FBN1: variants seen among roughly 807,000 people sequenced by gnomAD.
The protein encoded by FBN1 is fibrillin-1.
FBN1 carries 29 observed loss-of-function variants against 365.1 expected under a neutral mutation model. The observed-to-expected ratio is 0.08, with a 90% CI of 0.06 to 0.11. The LOEUF (loss-of-function observed/expected upper bound fraction) is 0.11, where lower values mean the gene tolerates loss of function less well. FBN1 is among the 10% of genes least tolerant of loss of function. The pLI is 1.00. For missense variants in FBN1, 2,476 were observed against 3,703.2 expected (o/e 0.67, Z 8.60); for synonymous variants, 1,210 against 1,270.5 (o/e 0.95, Z 1.01).
At chr15:48,599,363 A>G (rs567808210) in intron 5 of FBN1, among the ~76,000 whole-genome samples, 23 of 152,198 alleles carry the variant, frequency 1.5e-4, no homozygotes, top group Non-Finnish European at 3.4e-4. Flanking sequence ...TGAATAAAGT[A>G]TTAAGTGAAA....
chr15:48,534,228 GAGA>G lies in FBN1; in HGVS notation c.737-26_737-24del, dbSNP rs374824085. Reference sequence around the variant, plus strand: ...CATCTGTCAGATTACAGAAGACAGAGAGAAAAAAAAAAAACTCATATGAAATTC... The same window carrying G: ...CATCTGTCAGATTACAGAAGACAGAGAAAAAAAAAAACTCATATGAAATTC... On this transcript the variant is annotated intron_variant, in intron 7 of 65. Transcript: ENST00000316623. 3.4e-5 allele frequency: 52 copies of G among 1,547,650 alleles called. No individual in the cohort carries two copies. In the East Asian group the frequency reaches 7.3e-4, roughly 22 times the overall value.
chr15:48,446,956 A>C, intron 46 of FBN1, 134 bp from the exon 47 acceptor site: 3 of 668,986 alleles, frequency 4.5e-6, no homozygotes, highest in Non-Finnish European at 8.1e-6. Context: ...TGTTGGTATC[A>C]GCTCCAGCAG....
rs543659657 is a variant in FBN1, at chr15:48,425,704, C to T, written c.7330+35G>A. ...TTTTTTTTCCATAATCTAAAATTTC[C>T]ACTTGAGGATAAGCCATCAGAAATA... On this transcript the variant is annotated intron_variant, in intron 59 of 65. Coordinates refer to ENST00000316623, the MANE Select transcript of FBN1 (RefSeq NM_000138.5). 6.8e-6 allele frequency: 11 copies of T among 1,607,730 alleles called. No homozygotes were observed. In the South Asian group the frequency reaches 8.9e-5, roughly 13 times the overall value.
intron 13 of FBN1, among the ~76,000 whole-genome samples, chr15:48,512,375 T>C (rs570215980): frequency 7.2e-5 from 11 of 152,346 alleles, no homozygotes; most frequent in African/African-American, 2.4e-4. Flanking sequence ...GTTTGTTAAA[T>C]AGGTAAACTT....
chr15:48,420,892 C>T (rs932814736), intron 62 of FBN1, 86 bp from the exon 63 acceptor site: 9 of 1,431,848 alleles, frequency 6.3e-6, no homozygotes, highest in Admixed American at 5.2e-5. Context: ...CTGGCCCCTA[C>T]ACATCCTACA....
At position 48,456,739 on chromosome 15, in the gene FBN1, G is replaced by T. The variant is rs774686727; in HGVS notation, c.5320C>A (p.Pro1774Thr). 5 of 1,613,592 alleles carry T rather than the reference G, an allele frequency of 3.1e-6. No individual in the cohort carries two copies. In the South Asian group the frequency reaches 4.4e-5, roughly 14 times the overall value. Residue 1774 changes from proline to threonine, a missense_variant, in exon 44 of 66, where the codon CCA (proline) becomes ACA (threonine). Transcript: ENST00000316623. ...PVDIDECREI[P>T]GVCENGVCIN... is the part of the protein sequence containing the mutation. ...CACACTCCATTTTCACAGACCCCTG[G>T]GATCTCCCGGCACTCATCAATATCT...
chr15:48,611,419 C>A (rs535179415), intron 3 of FBN1, among the ~76,000 whole-genome samples: 213 of 152,188 alleles, frequency 1.4e-3, no homozygotes, highest in African/African-American at 5.0e-3. Context: ...TGCCACCATG[C>A]CCAGCTAATT....
At chr15:48,479,312 T>C (rs1425466930) in intron 32 of FBN1, among the ~76,000 whole-genome samples, 2 of 152,214 alleles carry the variant, frequency 1.3e-5, no homozygotes, top group Non-Finnish European at 2.9e-5. Flanking sequence ...CAATCAAATG[T>C]GATGCCCTTC....
rs750036723 is a variant in FBN1, at chr15:48,415,771, C to G, written c.7820-4G>C. 6.2e-7 allele frequency: 1 copy of G among 1,612,034 alleles called. No homozygotes were observed. The highest frequency in any genetic ancestry group is 8.5e-7 in the Non-Finnish European group (1 of 1,178,124). The stretch of plus-strand genomic sequence containing the variant: ...GCGCTGAGGCATTCGTTTTCATCTG[C>G]AGGCAAAATAAGAAGCGGCATGTGT... On this transcript the variant is annotated splice_region_variant and splice_polypyrimidine_tract_variant and intron_variant, in intron 63 of 65. Coordinates refer to ENST00000316623, the MANE Select transcript of FBN1 (RefSeq NM_000138.5).
In FBN1 at chr15:48,501,195, C is replaced by T. The variant is rs75070310; in HGVS notation, c.2114-2157G>A. Among the ~76,000 whole-genome samples the T allele has an allele frequency of 9.8e-3, 1,495 of 152,234 alleles. 10 individuals are homozygous for T. Among genetic ancestry groups the T allele is most frequent in the Non-Finnish European group, 0.015 (1,007 of 68,016 alleles). On this transcript the variant is annotated intron_variant, in intron 17 of 65. Coordinates refer to ENST00000316623, the MANE Select transcript of FBN1 (RefSeq NM_000138.5). ...AGTTCATGTGCTGGAAACTTCATCC[C>T]CAATTCAATAGTAATGCTGGGAGGT...
chr15:48,644,201 C>T (rs1011136571), intron 2 of FBN1: 14 of 190,466 alleles, frequency 7.4e-5, no homozygotes, highest in Non-Finnish European at 1.4e-4. Context: ...CCTTTCCTTG[C>T]CCCCTTTCAA....
chr15:48,526,018 A>G (rs2043908962), intron 9 of FBN1, 112 bp downstream of exon 9: 5 of 1,427,292 alleles, frequency 3.5e-6, no homozygotes, highest in Non-Finnish European at 4.9e-6. Flanking sequence ...AAAAATGTAC[A>G]TTTTACCTCA....
At chr15:48,461,012 T>C (rs747042681) in intron 42 of FBN1, among the ~76,000 whole-genome samples, 10 of 152,156 alleles carry the variant, frequency 6.6e-5, no homozygotes, top group Non-Finnish European at 1.0e-4. Context: ...ACTGGTAAGG[T>C]ATGGTATCAA....
At chr15:48,543,942 A>G (rs535866892) in intron 6 of FBN1, among the ~76,000 whole-genome samples, 1 of 151,852 alleles carries the variant, frequency 6.6e-6, no homozygotes, top group African/African-American at 2.4e-5. Flanking sequence ...TAATAAATAC[A>G]TATTTTAATA....
chr15:48,486,967 G>C, intron 29 of FBN1, 108 bp downstream of exon 29: 6 of 864,072 alleles, frequency 6.9e-6, no homozygotes, highest in Non-Finnish European at 4.7e-6. Flanking sequence ...AGAGTACATA[G>C]AGTGTTTTAG....
At chr15:48,559,977 C>A (rs1340830500) in intron 6 of FBN1, among the ~76,000 whole-genome samples, 1 of 152,126 alleles carries the variant, frequency 6.6e-6, no homozygotes, top group African/African-American at 2.4e-5. Flanking sequence ...AGATGCTACA[C>A]AGGAGAAGCC....
At chr15:48,446,942 T>C in intron 46 of FBN1, 120 bp from the exon 47 acceptor site, 1 of 700,634 alleles carries the variant, frequency 1.4e-6, no homozygotes, top group South Asian at 1.5e-5. Flanking sequence ...TGAGAACTTC[T>C]TGATGTTGGT....
rs192769621 is a variant in FBN1, at chr15:48,613,496, A to G, written c.165-404T>C. Among the ~76,000 whole-genome samples the G allele has an allele frequency of 4.3e-4, 65 of 152,312 alleles. 2 individuals carry two copies. In the East Asian group the frequency reaches 0.012, roughly 28 times the overall value. ...ATTTCTACACTTTGAAGCCATATAT[A>G]TATATATATTTTCCTACGGCCCATC... On this transcript the variant is annotated intron_variant, in intron 2 of 65. Coordinates refer to ENST00000316623, the MANE Select transcript of FBN1 (RefSeq NM_000138.5).
intron 14 of FBN1, among the ~76,000 whole-genome samples, chr15:48,509,527 GAAT>G (rs2043741254): frequency 6.8e-6 from 1 of 146,376 alleles, no homozygotes. Context: ...TGTATTTTAT[GAAT>G]ATTATCTATT....
Sources: allele counts gnomAD v4.1 joint callset (sites outside exome capture counted in the v4.1 genomes callset), GRCh38; gene constraint gnomAD v4.1.1; transcripts MANE v1.5; gene names NCBI Gene and HGNC (gene_info 2026-07-23, HGNC 2026-07-21).